TPM2: variants seen among roughly 807,000 people sequenced by gnomAD.
The protein encoded by TPM2 is tropomyosin 2.
A neutral mutation model predicts 41.0 loss-of-function variants in TPM2; 26 were observed. The observed-to-expected ratio is 0.63, with a 90% CI of 0.46 to 0.88. The LOEUF is 0.88. Ranked by LOEUF, TPM2 falls within the 40% of genes least tolerant of loss-of-function variation. The pLI is 0.00. For missense variants in TPM2, 187 were observed against 355.2 expected (o/e 0.53, Z 3.81); for synonymous variants, 143 against 139.3 (o/e 1.03, Z -0.19).
chr9:35,683,296 G>A (rs1824686183), intron 8 of TPM2, 55 bp from the exon 9 acceptor site: 1 of 1,477,648 alleles, frequency 6.8e-7, no homozygotes, highest in South Asian at 1.2e-5. Context: ...GGAGTGGAGG[G>A]AAAGAGGAAA....
chr9:35,684,481 C>T lies in TPM2; in HGVS notation c.702+7G>A. On this transcript the variant is annotated splice_region_variant and intron_variant, in intron 7 of 8. Transcript: ENST00000645482. ...GGGGAGACTGGGAACTGGAAGAGGA[C>T]TCTCACCTCCTTCAGCTTCTCCTCC... is the stretch of plus-strand genomic sequence containing the variant. 1 of 1,613,472 alleles carries T rather than the reference C, an allele frequency of 6.2e-7. No individual in the cohort carries two copies. Among genetic ancestry groups the T allele is most frequent in the African/African-American group, 1.3e-5 (1 of 75,026 alleles).
chr9:35,687,321 A>G (rs1161522020), intron 2 of TPM2, among the ~76,000 whole-genome samples: 1 of 152,134 alleles, frequency 6.6e-6, no homozygotes, highest in Non-Finnish European at 1.5e-5. Context: ...GTAAAATAAC[A>G]TGCAGAAAGC....
chr9:35,684,852 C>T lies in TPM2; in HGVS notation c.564-45G>A, dbSNP rs147620993. ...GGGGGGGCAGGGTGTGAGGGCACAG[C>T]GAAGCCAGACAGTGGAGATGGCACA... On this transcript the variant is annotated intron_variant, in intron 5 of 8. Transcript: ENST00000645482. 33 of 1,613,338 alleles carry T rather than the reference C, an allele frequency of 2.0e-5. No homozygotes were observed. In the Admixed American group the frequency reaches 4.5e-4, roughly 22 times the overall value.
At position 35,685,139 on chromosome 9, in the gene TPM2, G is replaced by T; in HGVS notation, c.563+130C>A. 6.2e-7 allele frequency: 1 copy of T among 1,614,142 alleles called. No individual in the cohort carries two copies. Among genetic ancestry groups the T allele is most frequent in the Non-Finnish European group, 8.5e-7 (1 of 1,180,020 alleles). ...GTTCCTCCTCCAGCTGTCTGGCTCG[G>T]CTGGGGGCAGCGGGCAGGGGTCAGA... On this transcript the variant is annotated intron_variant, in intron 5 of 8. Coordinates refer to ENST00000645482, the MANE Select transcript of TPM2 (RefSeq NM_003289.4). The surrounding 1 kb of genome is among the most constrained non-coding windows in gnomAD (Gnocchi z 5.0).
At chr9:35,689,030 T>C in intron 2 of TPM2, 116 bp downstream of exon 2, 1 of 1,253,722 alleles carries the variant, frequency 8.0e-7, no homozygotes, top group Non-Finnish European at 1.2e-6. Context: ...AAACCATTTC[T>C]CTCCTGGCGC....
In TPM2 at chr9:35,683,251, G is replaced by T. The variant is rs1200298306; in HGVS notation, c.773-10C>A. ...TGGGCATAGACTTCATCTGGGGGGG[G>T]TCCAGGGAGGGGACCAGGTGGGAGT... On this transcript the variant is annotated splice_polypyrimidine_tract_variant and intron_variant, in intron 8 of 8. Coordinates refer to ENST00000645482, the MANE Select transcript of TPM2 (RefSeq NM_003289.4). The T allele has an allele frequency of 4.5e-6, 7 of 1,547,762 alleles. 1 individual carries two copies. The highest frequency in any genetic ancestry group is 4.4e-6 in the Non-Finnish European group (5 of 1,142,640).
rs901677184 is a variant in TPM2, at chr9:35,689,187, C to T, written c.199G>A (p.Ala67Thr). The part of the protein sequence containing the change: ...VEKYSESVKE[A>T]QEKLEQAEKK... ...TCGGCCTGCTCCAGTTTCTCCTGGG[C>T]CTCCTTCACGGATTCAGAATACTTT... The change falls in exon 2 of 9, where the codon GCC becomes ACC. Residue 67 changes from alanine to threonine, a missense_variant. Coordinates refer to ENST00000645482, the MANE Select transcript of TPM2 (RefSeq NM_003289.4). The T allele has an allele frequency of 6.2e-7, 1 of 1,614,204 alleles. No homozygotes were observed. Among genetic ancestry groups the T allele is most frequent in the Non-Finnish European group, 8.5e-7 (1 of 1,180,042 alleles).
In TPM2 at chr9:35,683,153, T is replaced by G; in HGVS notation, c.*6A>C. 6.4e-7 allele frequency: 1 copy of G among 1,551,600 alleles called. No individual in the cohort carries two copies. Among genetic ancestry groups the G allele is most frequent in the Non-Finnish European group, 8.7e-7 (1 of 1,146,712 alleles). On this transcript the variant is annotated 3_prime_UTR_variant, in exon 9 of 9. Coordinates refer to ENST00000645482, the MANE Select transcript of TPM2 (RefSeq NM_003289.4). ...GAGAGCTGAGGTGGCCACGCTGGCG[T>G]GGGGCTCAGAGGGAGGTGATGTCAT...
In TPM2 at chr9:35,685,674, G is replaced by A. The variant is rs1461189772; in HGVS notation, c.347C>T (p.Ala116Val). The A allele has an allele frequency of 6.2e-7, 1 of 1,613,938 alleles. No homozygotes were observed. Among genetic ancestry groups the A allele is most frequent in the Non-Finnish European group, 8.5e-7 (1 of 1,180,020 alleles). Residue 116 changes from alanine to valine, a missense_variant, in exon 3 of 9, where the codon GCC becomes GTC. Physicochemically the swap from Ala to Val is moderately conservative, Grantham distance 64 (BLOSUM62 0). Coordinates refer to ENST00000645482, the MANE Select transcript of TPM2 (RefSeq NM_003289.4). This position sits in a 1 kb window ranked among gnomAD's most constrained non-coding sequence, Gnocchi z 5.0. ...CTCGCTCTCATCAGCCGCCTTCTCG[G>A]CCTCCTCCAGCTTCTGCAGGGCTGT... ...LATALQKLEE[A>V]EKAADESERG...
intron 2 of TPM2, chr9:35,686,294 G>A (rs773841369): frequency 5.2e-4 from 126 of 244,384 alleles, no homozygotes; most frequent in Non-Finnish European, 9.0e-4. Flanking sequence ...GACAAGCTCC[G>A]CTCCCCTGCT....
intron 1 of TPM2, 24 bp downstream of exon 1, chr9:35,689,680 G>A: frequency 1.2e-6 from 2 of 1,611,220 alleles, no homozygotes; most frequent in South Asian, 2.2e-5. Context: ...GGGGAGAGCA[G>A]GCTGCACTGG....
rs1471994580 is a variant in TPM2 at position 35,684,178 on chromosome 9, G to A, written c.772+68C>T. ...AGTTTATTGGTGGCAAATAAAATGG[G>A]ATGAGAAGGTACAGGACAGACTGAT... On this transcript the variant is annotated intron_variant, in intron 8 of 8. Transcript: ENST00000645482. 4 of 1,523,118 alleles carry A rather than the reference G, an allele frequency of 2.6e-6. No homozygotes were observed. The South Asian group carries it at 4.5e-5, about 17-fold the overall frequency. The allele number at this position is 1,523,118 out of a possible 1,614,324, so 94.4% of individuals were successfully genotyped here. A position where few individuals can be genotyped will look rare whatever the true frequency, so the allele number is the denominator to read the frequency against.
chr9:35,686,887 G>A (rs933917668), intron 2 of TPM2, among the ~76,000 whole-genome samples: 5 of 152,124 alleles, frequency 3.3e-5, no homozygotes, highest in Admixed American at 3.3e-4. Flanking sequence ...ATAAAAACTG[G>A]TCAAACACTG....
intron 2 of TPM2, among the ~76,000 whole-genome samples, chr9:35,688,720 C>T (rs907181662): frequency 2.0e-5 from 3 of 152,122 alleles, no homozygotes; most frequent in Non-Finnish European, 4.4e-5. Flanking sequence ...CAAGTGGGGT[C>T]TCATCTCTGG....
chr9:35,683,434 T>C (rs1005729135), intron 8 of TPM2, among the ~76,000 whole-genome samples, 193 bp from the exon 9 acceptor site: 1 of 152,218 alleles, frequency 6.6e-6, no homozygotes, highest in African/African-American at 2.4e-5. Flanking sequence ...ACCCCATCTC[T>C]TTTCTGTCCT....
Position 35,689,256 on chromosome 9 carries a change from G to T in TPM2, c.130C>A (p.Gln44Lys). The stretch of plus-strand genomic sequence containing the variant: ...CCCTTCAGCTTCTTCTGGAGGGCCT[G>T]CTGCTCCTCCTCCAGCTGGGACAGA... ...DRCKQLEEEQ[Q>K]ALQKKLKGTE... Residue 44 changes from glutamine to lysine, a missense_variant, in exon 2 of 9, where the codon CAG becomes AAG. Coordinates refer to ENST00000645482, the MANE Select transcript of TPM2 (RefSeq NM_003289.4). The T allele has an allele frequency of 6.2e-7, 1 of 1,614,214 alleles. No homozygotes were observed. The highest frequency in any genetic ancestry group is 8.5e-7 in the Non-Finnish European group (1 of 1,180,030).
upstream of TPM2, chr9:35,689,994 T>TC: frequency 6.9e-7 from 1 of 1,459,584 alleles, no homozygotes; most frequent in East Asian, 2.5e-5. Context: ...ACCAGGACCC[T>TC]CCCCCACCTC....
At chr9:35,688,578 T>C (rs1284142068) in intron 2 of TPM2, among the ~76,000 whole-genome samples, 2 of 152,146 alleles carry the variant, frequency 1.3e-5, no homozygotes, top group African/African-American at 4.8e-5. Flanking sequence ...TGGCATGGTC[T>C]CCAGGCTGAC....
At position 35,683,106 on chromosome 9, in the gene TPM2, G is replaced by A; in HGVS notation, c.*53C>T. On this transcript the variant is annotated 3_prime_UTR_variant, in exon 9 of 9. Coordinates refer to ENST00000645482, the MANE Select transcript of TPM2 (RefSeq NM_003289.4). ...CTGCCTGCTCCCCTCCCCATAGAGA[G>A]AATGGAAAGGAGAGGAGAGAAGAGA... 1 of 1,551,872 alleles carries A rather than the reference G, an allele frequency of 6.4e-7. No individual in the cohort carries two copies. Among genetic ancestry groups the A allele is most frequent in the Non-Finnish European group, 8.7e-7 (1 of 1,147,028 alleles).
Sources: gnomAD v4.1 joint callset for allele counts (sites outside exome capture counted in the v4.1 genomes callset) on GRCh38, gnomAD v4.1.1 for gene constraint, Gnocchi (gnomAD v3.1) non-coding constraint, MANE v1.5 for transcripts, NCBI Gene and HGNC (gene_info 2026-07-23, HGNC 2026-07-21) for gene names.